Variants in FAM163A observed in about 807,000 individuals in gnomAD.
The protein encoded by FAM163A is protein FAM163A.
FAM163A carries 7 observed loss-of-function variants against 12.0 expected under a neutral mutation model. That is an observed-to-expected ratio of 0.58 (90% CI 0.33 to 1.10). The LOEUF is 1.10. FAM163A is among the 50% of genes least tolerant of loss of function. The pLI, the probability that FAM163A is intolerant of heterozygous loss-of-function variation, is 0.03. For synonymous variants in FAM163A, 101 were observed against 91.0 expected (o/e 1.11, Z -0.62); for missense variants, 202 against 218.6 (o/e 0.92, Z 0.48).
intron 1 of FAM163A, among the ~76,000 whole-genome samples, chr1:179,796,178 G>A (rs937517157): frequency 2.0e-5 from 3 of 151,050 alleles, no homozygotes; most frequent in African/African-American, 7.3e-5. Context: ...TAAGGTTTGG[G>A]ATGTACATCA....
chr1:179,787,433 G>A (rs963719635), intron 1 of FAM163A, among the ~76,000 whole-genome samples: 15 of 152,174 alleles, frequency 9.9e-5, no homozygotes, highest in African/African-American at 3.6e-4. Flanking sequence ...CCCCTGCCCC[G>A]AAGGTTCCCT....
chr1:179,768,830 T>C (rs1400800483), intron 1 of FAM163A, among the ~76,000 whole-genome samples: 2 of 152,138 alleles, frequency 1.3e-5, no homozygotes, highest in Non-Finnish European at 2.9e-5. Context: ...GGTCTCGATC[T>C]CCTGACCTCA....
At chr1:179,800,071 G>A (rs1023269290) in intron 1 of FAM163A, among the ~76,000 whole-genome samples, 2 of 152,194 alleles carry the variant, frequency 1.3e-5, no homozygotes, top group Non-Finnish European at 2.9e-5. Context: ...CATTCGACAG[G>A]TATGTATTGA....
chr1:179,762,318 A>G (rs17370139), intron 1 of FAM163A, among the ~76,000 whole-genome samples: 25,553 of 152,150 alleles, frequency 0.17, 2,861 homozygotes, highest in Non-Finnish European at 0.24. Flanking sequence ...AAACATCAGG[A>G]GAGTCTTTTT....
At chr1:179,807,419 A>C (rs1005369108) in intron 1 of FAM163A, among the ~76,000 whole-genome samples, 4 of 152,142 alleles carry the variant, frequency 2.6e-5, no homozygotes, top group Non-Finnish European at 5.9e-5. Context: ...TCATGCAGGC[A>C]ACAAGGACAC....
the FAM163A span, among the ~76,000 whole-genome samples, chr1:179,737,652 G>A: frequency 3.3e-5 from 5 of 152,230 alleles, no homozygotes; most frequent in East Asian, 1.9e-4. Flanking sequence ...TGGCTAACAC[G>A]GTGAAACTCC....
At chr1:179,779,210 A>G (rs1689391018) in intron 1 of FAM163A, among the ~76,000 whole-genome samples, 1 of 152,234 alleles carries the variant, frequency 6.6e-6, no homozygotes, top group African/African-American at 2.4e-5. Flanking sequence ...GAAAAGGATC[A>G]ACAAAAGTCA....
At chr1:179,765,110 C>T (rs973775455) in intron 1 of FAM163A, among the ~76,000 whole-genome samples, 3 of 152,226 alleles carry the variant, frequency 2.0e-5, no homozygotes, top group African/African-American at 7.2e-5. Context: ...CCTCGTCCAC[C>T]TCTTCCCTTT....
rs187974209 is a variant in FAM163A at position 179,764,027 on chromosome 1, G to A, written c.-136+20604G>A. On this transcript the variant is annotated intron_variant, in intron 1 of 4. Transcript: ENST00000341785. ...AGAGAGACAGAGAGAGAGAGTGCAT[G>A]CTCTTTGTATTTTATTTGGGGAATC... 1.3e-3 allele frequency among the ~76,000 whole-genome samples: 198 copies of A among 152,302 alleles called. No homozygotes were observed. The Middle Eastern group carries it at 0.017, about 13-fold the overall frequency.
chr1:179,754,588 C>A (rs374128373), intron 1 of FAM163A, among the ~76,000 whole-genome samples: 2 of 152,104 alleles, frequency 1.3e-5, no homozygotes, highest in African/African-American at 4.8e-5. Flanking sequence ...AAATGAACAT[C>A]TTTACAGAGA....
At chr1:179,770,688 G>T (rs973921378) in intron 1 of FAM163A, among the ~76,000 whole-genome samples, 2 of 151,896 alleles carry the variant, frequency 1.3e-5, no homozygotes, top group Non-Finnish European at 2.9e-5. Flanking sequence ...TCCTGCCTTG[G>T]TCTGGATGAC....
chr1:179,803,725 C>T (rs1410106307), intron 1 of FAM163A, among the ~76,000 whole-genome samples: 5 of 151,892 alleles, frequency 3.3e-5, no homozygotes, highest in African/African-American at 4.8e-5. Context: ...CGTGCTACCA[C>T]GCCCGGCTAA....
chr1:179,793,284 A>G (rs1210183766), intron 1 of FAM163A, among the ~76,000 whole-genome samples: 1 of 151,668 alleles, frequency 6.6e-6, no homozygotes, highest in African/African-American at 2.4e-5. Context: ...TCATATGTCT[A>G]CATGTCACAT....
In FAM163A at chr1:179,790,036, A is replaced by G. The variant is rs138556950; in HGVS notation, c.-135-17762A>G. On this transcript the variant is annotated intron_variant, in intron 1 of 4. Coordinates refer to ENST00000341785, the MANE Select transcript of FAM163A (RefSeq NM_173509.3). ...GGTTTAGGAAAGTGAATACAGCAAC[A>G]TACAGAAAAGATGGAAAGGAGAAGA... Among the ~76,000 whole-genome samples, 647 of 152,250 alleles carry G rather than the reference A, an allele frequency of 4.2e-3. 6 individuals are homozygous for G. Among genetic ancestry groups the G allele is most frequent in the African/African-American group, 0.015 (605 of 41,524 alleles).
intron 1 of FAM163A, among the ~76,000 whole-genome samples, chr1:179,746,621 A>G (rs1341089368): frequency 6.6e-6 from 1 of 152,220 alleles, no homozygotes; most frequent in African/African-American, 2.4e-5. Context: ...CCTCCAGGAA[A>G]AGTGGCCTGT....
At chr1:179,776,327 C>T (rs1051639252) in intron 1 of FAM163A, among the ~76,000 whole-genome samples, 1 of 151,970 alleles carries the variant, frequency 6.6e-6, no homozygotes, top group Non-Finnish European at 1.5e-5. Context: ...CCCGTCTCTA[C>T]TAAAAATACA....
At chr1:179,736,675 C>A in the FAM163A span, among the ~76,000 whole-genome samples, 1 of 151,840 alleles carries the variant, frequency 6.6e-6, no homozygotes, top group African/African-American at 2.4e-5. Context: ...TAGCCAGGCG[C>A]GGTGGCAGCC....
chr1:179,731,295 A>G, the FAM163A span, among the ~76,000 whole-genome samples: 5 of 152,238 alleles, frequency 3.3e-5, no homozygotes, highest in African/African-American at 1.2e-4. Flanking sequence ...TATACCATGA[A>G]AAGCTACAAA....
the FAM163A span, among the ~76,000 whole-genome samples, chr1:179,731,642 G>C: frequency 2.6e-5 from 4 of 152,184 alleles, no homozygotes; most frequent in South Asian, 2.1e-4. Flanking sequence ...TCGGGACTGA[G>C]GCCGTCCCAG....
Sources: gnomAD v4.1 joint callset for allele counts (sites outside exome capture counted in the v4.1 genomes callset) on GRCh38, gnomAD v4.1.1 for gene constraint, MANE v1.5 for transcripts, NCBI Gene and HGNC (gene_info 2026-07-23, HGNC 2026-07-21) for gene names.